HYOU1: variants seen among roughly 807,000 people sequenced by gnomAD.
HYOU1 encodes the protein hypoxia up-regulated protein 1.
A neutral mutation model predicts 120.5 loss-of-function variants in HYOU1; 40 were observed. The observed-to-expected ratio is 0.33, with a 90% CI of 0.26 to 0.43. HYOU1 has a LOEUF of 0.43. Ranked by LOEUF, HYOU1 falls within the 20% of genes least tolerant of loss-of-function variation. The pLI, the probability that HYOU1 is intolerant of heterozygous loss-of-function variation, is 1.00. For missense variants in HYOU1, 1,085 were observed against 1,278.3 expected, an observed-to-expected ratio of 0.85 and a Z score of 2.31; for synonymous variants, 501 against 479.4, an observed-to-expected ratio of 1.05 and a Z score of -0.59.
Position 119,055,967 on chromosome 11 carries a change from C to G in HYOU1, c.91+103G>C. The G allele has an allele frequency of 7.3e-7, 1 of 1,368,080 alleles. No homozygotes were observed. Among genetic ancestry groups the G allele is most frequent in the Non-Finnish European group, 1.0e-6 (1 of 957,620 alleles). The allele number at this position is 1,368,080 out of a possible 1,614,324, so 84.7% of individuals were successfully genotyped here. ...TGGCAAAAGACAAAAAGGCCTGGAC[C>G]TAACAACTCAAGAGACTTCTGGCCA... On this transcript the variant is annotated intron_variant, in intron 2 of 25. Transcript: ENST00000617285. This position sits in a 1 kb window ranked among gnomAD's most constrained non-coding sequence, Gnocchi z 4.0.
At chr11:119,053,537 G>T (rs964600019) in intron 8 of HYOU1, 1 of 152,448 alleles carries the variant, frequency 6.6e-6, no homozygotes, top group South Asian at 2.1e-4. Flanking sequence ...GGTTTTTAAA[G>T]AAACAGGTAA....
intron 24 of HYOU1, 112 bp downstream of exon 24, chr11:119,046,305 G>T: frequency 3.2e-6 from 2 of 632,124 alleles, no homozygotes; most frequent in Non-Finnish European, 5.2e-6. Context: ...CTTTAAAAAC[G>T]CAAAGGCCAT....
At position 119,056,039 on chromosome 11, in the gene HYOU1, A is replaced by G. The variant is rs373055852; in HGVS notation, c.91+31T>C. On this transcript the variant is annotated intron_variant, in intron 2 of 25. Transcript: ENST00000617285. ...ATCATGCATCCTTCAGTCATCATTT[A>G]TCCATTTGCTCCCTCTACTGGGGTA... 3.2e-6 allele frequency: 5 copies of G among 1,578,588 alleles called. No homozygotes were observed. In the South Asian group the frequency reaches 3.3e-5, roughly 10 times the overall value.
chr11:119,055,901 C>T lies in HYOU1; in HGVS notation c.92-58G>A, dbSNP rs533889863. ...CCCTTCGCCCACCTTCCTGGGACTCCCTCTAATCAAAGCATACCACTTTCC... is the reference window on the plus strand; with the variant it reads ...CCCTTCGCCCACCTTCCTGGGACTCTCTCTAATCAAAGCATACCACTTTCC... On this transcript the variant is annotated intron_variant, in intron 2 of 25. Transcript: ENST00000617285. This position sits in a 1 kb window ranked among gnomAD's most constrained non-coding sequence, Gnocchi z 4.0. 2.0e-6 allele frequency: 3 copies of T among 1,484,146 alleles called. No individual in the cohort carries two copies. Among genetic ancestry groups the T allele is most frequent in the East Asian group, 4.5e-5 (2 of 44,244 alleles). 91.9% of individuals were successfully genotyped at this position (1,484,146 alleles called of 1,614,324 possible).
chr11:119,046,583 C>T lies in HYOU1; in HGVS notation c.2815G>A (p.Glu939Lys). 1 of 1,613,756 alleles carries T rather than the reference C, an allele frequency of 6.2e-7. No individual in the cohort carries two copies. Among genetic ancestry groups the T allele is most frequent in the Non-Finnish European group, 8.5e-7 (1 of 1,179,726 alleles). Residue 939 changes from glutamate (E) to lysine (K), a missense_variant, in exon 23 of 26, where the codon GAG (glutamate) becomes AAG (lysine). Coordinates refer to ENST00000617285, the MANE Select transcript of HYOU1 (RefSeq NM_006389.5). ...PLNASASDQG[E>K]KVIPPAGQTE... ...TCACCTGCTGGAGGGATGACCTTCT[C>T]CCCCTGGTCACTGGCACTGGCATTG...
chr11:119,054,000 G>A, intron 8 of HYOU1, 121 bp downstream of exon 8: 1 of 641,844 alleles, frequency 1.6e-6, no homozygotes, highest in Non-Finnish European at 2.8e-6. Context: ...AATGACTGAT[G>A]CCTCAATCAG....
In HYOU1 at chr11:119,051,594, G is replaced by A; in HGVS notation, c.1370C>T (p.Pro457Leu). 6.2e-7 allele frequency: 1 copy of A among 1,614,116 alleles called. No individual in the cohort carries two copies. Among genetic ancestry groups the A allele is most frequent in the Non-Finnish European group, 8.5e-7 (1 of 1,180,010 alleles). Residue 457 changes from proline (P) to leucine (L), a missense_variant, in exon 13 of 26, where the codon CCT (proline) becomes CTT (leucine). By Grantham distance (98) the Pro-to-Leu change is moderately conservative (BLOSUM62 -3). Transcript: ENST00000617285. The surrounding 1 kb of genome is among the most constrained non-coding windows in gnomAD (Gnocchi z 4.2). Reference sequence around the variant, plus strand: ...ATTGTGCTTCAGGCTGTGAATCCCAGGCTCCTCCTCCACCTCCCTCGTGAA... The same window carrying A: ...ATTGTGCTTCAGGCTGTGAATCCCAAGCTCCTCCTCCACCTCCCTCGTGAA... ...VEFTREVEEE[P>L]GIHSLKHNKR...
At position 119,051,207 on chromosome 11, in the gene HYOU1, C is replaced by T; in HGVS notation, c.1527-34G>A. ...GAAGGAAAGAGGAGTTCAGGGGGACCCACCCCAGCCCATCTCGCCCTCTAG... is the reference window on the plus strand; with the variant it reads ...GAAGGAAAGAGGAGTTCAGGGGGACTCACCCCAGCCCATCTCGCCCTCTAG... On this transcript the variant is annotated intron_variant, in intron 13 of 25. Coordinates refer to ENST00000617285, the MANE Select transcript of HYOU1 (RefSeq NM_006389.5). The surrounding 1 kb of genome is among the most constrained non-coding windows in gnomAD (Gnocchi z 4.2). 1 of 1,612,794 alleles carries T rather than the reference C, an allele frequency of 6.2e-7. No individual in the cohort carries two copies. Among genetic ancestry groups the T allele is most frequent in the Non-Finnish European group, 8.5e-7 (1 of 1,179,194 alleles).
chr11:119,046,232 C>T (rs1482515466), intron 24 of HYOU1, among the ~76,000 whole-genome samples, 185 bp downstream of exon 24: 3 of 150,140 alleles, frequency 2.0e-5, no homozygotes, highest in African/African-American at 4.9e-5. Flanking sequence ...TTCCAAACTG[C>T]TGGGATTACA....
Position 119,049,633 on chromosome 11 carries a change from G to A in HYOU1, c.1729C>T (p.Leu577Phe). The A allele has an allele frequency of 1.9e-6, 3 of 1,614,158 alleles. No individual in the cohort carries two copies. The highest frequency in any genetic ancestry group is 2.5e-6 in the Non-Finnish European group (3 of 1,180,022). Reference sequence around the variant, plus strand: ...AACAGGCTGGAAATGGTGTTGCCAAGTTCTAGGGGGAGTAAAACCCAAAGA... The same window carrying A: ...AACAGGCTGGAAATGGTGTTGCCAAATTCTAGGGGGAGTAAAACCCAAAGA... ...SAEEESTLTK[L>F]GNTISSLFGG... Residue 577 changes from leucine (L) to phenylalanine (F), a missense_variant and splice_region_variant, in exon 16 of 26, where the codon CTT becomes TTT. By Grantham distance (22) the Leu-to-Phe change is conservative. Around this residue, in one of 4 missense-constraint regions of HYOU1, gnomAD observed 515 missense variants for 677.8 expected, o/e 0.76. Transcript: ENST00000617285.
chr11:119,050,596 G>A lies in HYOU1; in HGVS notation c.1665+439C>T, dbSNP rs1004041491. Among the ~76,000 whole-genome samples, 43 of 150,936 alleles carry A rather than the reference G, an allele frequency of 2.8e-4. 1 individual carries two copies. The highest frequency in any genetic ancestry group is 1.0e-3 in the African/African-American group (41 of 40,998). Reference sequence around the variant, plus strand: ...TTTCGCAGGATATGGTGGCACATACGTATCGTCCCAGCTACTCAAGAGGCT... The same window carrying A: ...TTTCGCAGGATATGGTGGCACATACATATCGTCCCAGCTACTCAAGAGGCT... On this transcript the variant is annotated intron_variant, in intron 14 of 25. Transcript: ENST00000617285.
At position 119,054,672 on chromosome 11, in the gene HYOU1, T is replaced by C. The variant is rs1944645209; in HGVS notation, c.500A>G (p.Gln167Arg). Residue 167 changes from glutamine (Q) to arginine (R), a missense_variant, in exon 7 of 26, where the codon CAG (glutamine) becomes CGG (arginine). This residue lies in a region of HYOU1 where 515 missense variants were observed against 677.8 expected (regional missense o/e 0.76). Coordinates refer to ENST00000617285, the MANE Select transcript of HYOU1 (RefSeq NM_006389.5). ...GGTGATCACTGCATCCTTGATGGGC[T>C]GCTCTACAGATGACAACAGAAAAGG... ...SRSLAEDFAE[Q>R]PIKDAVITVP... 1.2e-6 allele frequency: 2 copies of C among 1,611,320 alleles called. No homozygotes were observed. Among genetic ancestry groups the C allele is most frequent in the South Asian group, 2.2e-5 (2 of 91,076 alleles).
rs2133550843 is a variant in HYOU1, at chr11:119,046,548, T to C, written c.2836+14A>G. On this transcript the variant is annotated intron_variant, in intron 23 of 25. Transcript: ENST00000617285. ...CTGTCCAGCAGAACATGCAGCCAGG[T>C]ACCCTGTTCTCACCTGCTGGAGGGA... The C allele has an allele frequency of 1.9e-6, 3 of 1,613,870 alleles. No homozygotes were observed. Among genetic ancestry groups the C allele is most frequent in the East Asian group, 2.2e-5 (1 of 44,886 alleles).
At chr11:119,047,580 C>T in intron 22 of HYOU1, 154 bp downstream of exon 22, 1 of 663,642 alleles carries the variant, frequency 1.5e-6, no homozygotes, top group Non-Finnish European at 2.7e-6. Flanking sequence ...TTGCTTGGGA[C>T]TAATCAGAGG....
Position 119,052,145 on chromosome 11 carries a change from C to T in HYOU1, c.1150G>A (p.Gly384Ser), listed in dbSNP as rs2133590659. The T allele has an allele frequency of 6.2e-7, 1 of 1,614,204 alleles. No individual in the cohort carries two copies. The highest frequency in any genetic ancestry group is 8.5e-7 in the Non-Finnish European group (1 of 1,180,030). Residue 384 changes from glycine (G) to serine (S), a missense_variant, in exon 11 of 26, where the codon GGT becomes AGT. Transcript: ENST00000617285. The surrounding 1 kb of genome is among the most constrained non-coding windows in gnomAD (Gnocchi z 5.0). ...ACTCTGGGGACCCGAGTGGCCCCAC[C>T]CACCAGGATCACCTGCTCAATCTCA... is the stretch of plus-strand genomic sequence containing the variant. ...LDEIEQVILV[G>S]GATRVPRVQE...
chr11:119,055,436 G>A lies in HYOU1; in HGVS notation c.264+57C>T. The A allele has an allele frequency of 6.2e-7, 1 of 1,607,582 alleles. No individual in the cohort carries two copies. The highest frequency in any genetic ancestry group is 1.3e-5 in the African/African-American group (1 of 74,834). On this transcript the variant is annotated intron_variant, in intron 4 of 25. Coordinates refer to ENST00000617285, the MANE Select transcript of HYOU1 (RefSeq NM_006389.5). This position sits in a 1 kb window ranked among gnomAD's most constrained non-coding sequence, Gnocchi z 4.0. ...AGACTGATAAGGAAACAGACTCTGG[G>A]GGCTGCCATCTCCTCTCCTCTGCCC...
At chr11:119,050,384 A>C (rs1235786283) in intron 14 of HYOU1, among the ~76,000 whole-genome samples, 1 of 152,036 alleles carries the variant, frequency 6.6e-6, no homozygotes, top group Non-Finnish European at 1.5e-5. Flanking sequence ...CAGCCTGGAC[A>C]ACAGAGCAAG....
Position 119,048,315 on chromosome 11 carries a change from T to G in HYOU1, c.2309A>C (p.Glu770Ala). 6.2e-7 allele frequency: 1 copy of G among 1,610,904 alleles called. No individual in the cohort carries two copies. Among genetic ancestry groups the G allele is most frequent in the East Asian group, 2.2e-5 (1 of 44,890 alleles). The change falls in exon 20 of 26, where the codon GAG becomes GCG. Residue 770 changes from glutamate (E) to alanine (A), a missense_variant. Around this residue, in one of 4 missense-constraint regions of HYOU1, gnomAD observed 516 missense variants for 517.1 expected, o/e 1.00. Transcript: ENST00000617285. This position sits in a 1 kb window ranked among gnomAD's most constrained non-coding sequence, Gnocchi z 4.7. Reference protein sequence around the residue: ...QEVSTEEQREEISGKLSAAST... With the variant: ...QEVSTEEQREAISGKLSAAST... The stretch of plus-strand genomic sequence containing the variant: ...TGCGGCGCTGAGCTTCCCAGAGATC[T>G]CCTCACGCTGCTCCTCTGTGGACAC...
chr11:119,052,851 G>T lies in HYOU1; in HGVS notation c.795-22C>A. On this transcript the variant is annotated intron_variant, in intron 8 of 25. Coordinates refer to ENST00000617285, the MANE Select transcript of HYOU1 (RefSeq NM_006389.5). This position sits in a 1 kb window ranked among gnomAD's most constrained non-coding sequence, Gnocchi z 5.0. ...AAATCTGTTGAGAAAAGGGAGCAGGGAAAAAAGTGAAGAACACATGGAGTC... is the reference window on the plus strand; with the variant it reads ...AAATCTGTTGAGAAAAGGGAGCAGGTAAAAAAGTGAAGAACACATGGAGTC... 6.3e-7 allele frequency: 1 copy of T among 1,596,362 alleles called. No individual in the cohort carries two copies. Among genetic ancestry groups the T allele is most frequent in the South Asian group, 1.1e-5 (1 of 89,094 alleles).
Sources: gnomAD v4.1 joint callset for allele counts (sites outside exome capture counted in the v4.1 genomes callset) on GRCh38, gnomAD v4.1.1 for gene constraint, gnomAD v4.1.1 regional missense constraint, Gnocchi (gnomAD v3.1) non-coding constraint, MANE v1.5 for transcripts, NCBI Gene and HGNC (gene_info 2026-07-23, HGNC 2026-07-21) for gene names.